The following ACACB variants were observed in gnomAD, a reference collection of about 807,000 sequenced individuals.
ACACB encodes acetyl-CoA carboxylase beta.
In ACACB, 209 loss-of-function variants were observed where a neutral mutation model predicts 278.8. The observed-to-expected ratio is 0.75, with a 90% CI of 0.67 to 0.84. The LOEUF (loss-of-function observed/expected upper bound fraction) is 0.84, where lower values mean the gene tolerates loss of function less well. ACACB is among the 40% of genes least tolerant of loss of function. The pLI, the probability that ACACB is intolerant of heterozygous loss-of-function variation, is 0.00. For synonymous variants in ACACB, 1,174 were observed against 1,285.6 expected (o/e 0.91, Z 1.86); for missense variants, 2,850 against 3,269.0 (o/e 0.87, Z 3.13).
Position 109,222,489 on chromosome 12 carries a change from C to T in ACACB, c.3565-18C>T, listed in dbSNP as rs1204528487. 6.2e-7 allele frequency: 1 copy of T among 1,612,354 alleles called. No homozygotes were observed. Among genetic ancestry groups the T allele is most frequent in the Non-Finnish European group, 8.5e-7 (1 of 1,178,568 alleles). ...GGGCTGGAGAAAAGCCATTTGGCTT[C>T]TTTTTCTGTCCCCTAAGGATGAGCT... On this transcript the variant is annotated intron_variant, in intron 24 of 52. Coordinates refer to ENST00000338432, the MANE Select transcript of ACACB (RefSeq NM_001093.4).
chr12:109,136,108 G>A (rs2042961315), intron 1 of ACACB, among the ~76,000 whole-genome samples: 1 of 152,114 alleles, frequency 6.6e-6, no homozygotes, highest in Non-Finnish European at 1.5e-5. Context: ...ACCATGCCTG[G>A]CCTGAAGAGA....
In ACACB at chr12:109,210,419, ATATATGTATATACACGCACATACATG is replaced by A. The variant is rs1274137721; in HGVS notation, c.3249+1068_3249+1093del. 3.0e-4 allele frequency among the ~76,000 whole-genome samples: 39 copies of A among 128,260 alleles called. 1 individual carries two copies. Among genetic ancestry groups the A allele is most frequent in the African/African-American group, 1.3e-3 (38 of 28,252 alleles). 84.1% of individuals were successfully genotyped at this position (128,260 alleles called of 152,430 possible). ...TGTATATACACGCACACACATGTGTATATATGTATATACACGCACATACATGTGTATATATGTATATATACGCACAT... is the reference window on the plus strand; with the variant it reads ...TGTATATACACGCACACACATGTGTATGTATATATGTATATATACGCACAT... On this transcript the variant is annotated intron_variant, in intron 21 of 52. Coordinates refer to ENST00000338432, the MANE Select transcript of ACACB (RefSeq NM_001093.4).
Position 109,139,431 on chromosome 12 carries a change from G to C in ACACB, c.26G>C (p.Cys9Ser), listed in dbSNP as rs376872449. 2.5e-6 allele frequency: 4 copies of C among 1,613,860 alleles called. No homozygotes were observed. Among genetic ancestry groups the C allele is most frequent in the Admixed American group, 1.7e-5 (1 of 59,982 alleles). Residue 9 changes from cysteine to serine, a missense_variant, in exon 2 of 53, where the codon TGT becomes TCT. By Grantham distance (112) the Cys-to-Ser change is moderately radical (BLOSUM62 -1). Coordinates refer to ENST00000338432, the MANE Select transcript of ACACB (RefSeq NM_001093.4). MVLLLCLS[C>S]LIFSCLTFSW... ...ATGGTCTTGCTTCTTTGTCTATCTTGTCTGATTTTCTCCTGTCTGACCTTT... is the reference window on the plus strand; with the variant it reads ...ATGGTCTTGCTTCTTTGTCTATCTTCTCTGATTTTCTCCTGTCTGACCTTT...
At chr12:109,125,819 C>T (rs1475395939) in intron 1 of ACACB, among the ~76,000 whole-genome samples, 2 of 152,188 alleles carry the variant, frequency 1.3e-5, no homozygotes, top group Non-Finnish European at 2.9e-5. Context: ...ATCCAGATCT[C>T]GTGCTCTAAC....
At chr12:109,156,564 G>A (rs1444773787) in intron 2 of ACACB, among the ~76,000 whole-genome samples, 1 of 149,012 alleles carries the variant, frequency 6.7e-6, no homozygotes, top group Admixed American at 6.8e-5. Context: ...TATAAGTAGC[G>A]GATATTCAGG....
Position 109,250,104 on chromosome 12 carries a change from G to A in ACACB, c.5790G>A (p.Leu1930=). Residue 1930 remains leucine (L), a splice_region_variant and synonymous_variant, in exon 41 of 53, where the codon TTG becomes TTA. Coordinates refer to ENST00000338432, the MANE Select transcript of ACACB (RefSeq NM_001093.4). ...ACGAAGAGATCGTCACCATTAGCTT[G>A]GTGAGTCTTCTTCTATTTTCTCTTA... ...LAYEEIVTIS[L]VTCRAIGIGA... is the part of the protein sequence containing the mutation. The A allele has an allele frequency of 6.3e-7, 1 of 1,591,308 alleles. No individual in the cohort carries two copies. The highest frequency in any genetic ancestry group is 8.5e-7 in the Non-Finnish European group (1 of 1,172,240).
chr12:109,179,362 A>C, intron 10 of ACACB, 65 bp downstream of exon 10: 1 of 1,517,338 alleles, frequency 6.6e-7, no homozygotes, highest in South Asian at 1.2e-5. Flanking sequence ...GTCAGGAAGA[A>C]CTTTCTACGG....
rs755629864 is a variant in ACACB at position 109,222,640 on chromosome 12, TC to T, written c.3678+24del. The T allele has an allele frequency of 6.2e-7, 1 of 1,602,634 alleles. No homozygotes were observed. The highest frequency in any genetic ancestry group is 1.7e-5 in the Admixed American group (1 of 59,946). On this transcript the variant is annotated intron_variant, in intron 25 of 52. Coordinates refer to ENST00000338432, the MANE Select transcript of ACACB (RefSeq NM_001093.4). ...CGGCAGGTAGGGTCTCAGGGTGCGG[TC>T]CCCACGATGTGCGTTTCCCCCCACC...
chr12:109,205,583 C>T (rs764970705), intron 19 of ACACB, among the ~76,000 whole-genome samples: 1 of 151,852 alleles, frequency 6.6e-6, no homozygotes, highest in South Asian at 2.1e-4. Context: ...TGGAGTAGCT[C>T]GGATTACAGG....
At chr12:109,196,935 T>C (rs2045152527) in intron 16 of ACACB, 73 bp from the exon 17 acceptor site, 7 of 1,441,626 alleles carry the variant, frequency 4.9e-6, no homozygotes, top group Non-Finnish European at 6.3e-6. Flanking sequence ...TCTTGTTTGT[T>C]GTTAGCGGGG....
At chr12:109,246,082 C>A (rs1031030052) in intron 38 of ACACB, 97 bp from the exon 39 acceptor site, 1 of 1,350,480 alleles carries the variant, frequency 7.4e-7, no homozygotes, top group African/African-American at 1.5e-5. Flanking sequence ...AGAGCAAGAC[C>A]CTGTATCTAA....
At chr12:109,177,612 G>A (rs2044321192) in intron 9 of ACACB, among the ~76,000 whole-genome samples, 1 of 152,148 alleles carries the variant, frequency 6.6e-6, no homozygotes, top group Admixed American at 6.5e-5. Context: ...GGAAGTTGCA[G>A]CAGCAGTACA....
Position 109,227,423 on chromosome 12 carries a change from G to A in ACACB, c.3935G>A (p.Arg1312Gln), listed in dbSNP as rs763849845. Residue 1312 changes from arginine to glutamine, a missense_variant, in exon 28 of 53, where the codon CGG becomes CAG. Coordinates refer to ENST00000338432, the MANE Select transcript of ACACB (RefSeq NM_001093.4). ...TATGAGTTAAACAGCCTGCAGCACC[G>A]GCAGCTCCCGGACGGCACCTGCGTG... ...IAYELNSLQH[R>Q]QLPDGTCVVE... 1.8e-5 allele frequency: 29 copies of A among 1,613,508 alleles called. No individual in the cohort carries two copies. The East Asian group carries it at 4.7e-4, about 26-fold the overall frequency.
At chr12:109,131,124 C>A (rs1044403142) in intron 1 of ACACB, among the ~76,000 whole-genome samples, 1 of 152,146 alleles carries the variant, frequency 6.6e-6, no homozygotes, top group African/African-American at 2.4e-5. Context: ...GCCCACGAAG[C>A]CCCTGGGAGC....
At chr12:109,252,468 T>G (rs1360890736) in intron 42 of ACACB, 1 of 232,762 alleles carries the variant, frequency 4.3e-6, no homozygotes, top group African/African-American at 2.3e-5. Context: ...GCTTCTATCA[T>G]TCTGGTATAG....
chr12:109,123,361 T>G (rs1593353031), intron 1 of ACACB, among the ~76,000 whole-genome samples: 1 of 150,708 alleles, frequency 6.6e-6, no homozygotes, highest in Admixed American at 6.6e-5. Context: ...AGCTCCAGAG[T>G]TTTTTTTGTT....
intron 44 of ACACB, 59 bp from the exon 45 acceptor site, chr12:109,256,081 T>G: frequency 6.9e-7 from 1 of 1,440,082 alleles, no homozygotes; most frequent in African/African-American, 1.4e-5. Context: ...GCCAGGAGTG[T>G]CCTGGGGGCC....
chr12:109,167,438 A>G (rs2043946794), intron 3 of ACACB, among the ~76,000 whole-genome samples: 1 of 151,064 alleles, frequency 6.6e-6, no homozygotes, highest in Non-Finnish European at 1.5e-5. Context: ...TCTCTGCAAA[A>G]AAATTAAAAA....
rs866416109 is a variant in ACACB, at chr12:109,210,306, T to C, written c.3249+953T>C. On this transcript the variant is annotated intron_variant, in intron 21 of 52. Transcript: ENST00000338432. ...ACATATCTGTGTGTATATGTATATATACACACACATATCTGTGTATATATG... is the reference window on the plus strand; with the variant it reads ...ACATATCTGTGTGTATATGTATATACACACACACATATCTGTGTATATATG... Among the ~76,000 whole-genome samples the C allele has an allele frequency of 5.3e-3, 317 of 60,034 alleles. 27 individuals carry two copies. The highest frequency in any genetic ancestry group is 0.014 in the African/African-American group (224 of 15,686). 39.4% of individuals were successfully genotyped at this position (60,034 alleles called of 152,430 possible). A position where few individuals can be genotyped will look rare whatever the true frequency, so the allele number is the denominator to read the frequency against.
Sources: gnomAD v4.1 joint callset for allele counts (sites outside exome capture counted in the v4.1 genomes callset) on GRCh38, gnomAD v4.1.1 for gene constraint, MANE v1.5 for transcripts, NCBI Gene and HGNC (gene_info 2026-07-23, HGNC 2026-07-21) for gene names.